The following KIAA1549L variants were observed in gnomAD, a reference collection of about 807,000 sequenced individuals.
KIAA1549L encodes the protein KIAA1549 like, also known as UPF0606 protein KIAA1549L.
KIAA1549L carries 88 observed loss-of-function variants against 160.7 expected under a neutral mutation model. That is an observed-to-expected ratio of 0.55 (90% CI 0.46 to 0.65). The LOEUF (loss-of-function observed/expected upper bound fraction) is 0.65, where lower values mean the gene tolerates loss of function less well. KIAA1549L is among the 30% of genes least tolerant of loss of function. The pLI is 0.00. For synonymous variants in KIAA1549L, 950 were observed against 976.7 expected (o/e 0.97, Z 0.51); for missense variants, 2,258 against 2,437.5 (o/e 0.93, Z 1.55).
intron 16 of KIAA1549L, among the ~76,000 whole-genome samples, chr11:33,629,211 G>A (rs1851206539): frequency 6.6e-6 from 1 of 152,134 alleles, no homozygotes; most frequent in African/African-American, 2.4e-5. Context: ...CTCTCTGGCT[G>A]CCCTTAACAT....
intron 11 of KIAA1549L, among the ~76,000 whole-genome samples, chr11:33,589,353 C>T (rs971104317): frequency 3.9e-5 from 6 of 152,132 alleles, no homozygotes; most frequent in Non-Finnish European, 7.3e-5. Flanking sequence ...GTCGGTGTGG[C>T]GATTCCTCAG....
chr11:33,547,114 C>T (rs1398810417), intron 3 of KIAA1549L, among the ~76,000 whole-genome samples: 6 of 152,250 alleles, frequency 3.9e-5, no homozygotes, highest in Non-Finnish European at 7.3e-5. Context: ...TTGGTACTCC[C>T]TCTGCTGAGA....
intron 1 of KIAA1549L, among the ~76,000 whole-genome samples, chr11:33,397,951 A>T (rs1590218527): frequency 8.6e-6 from 1 of 115,842 alleles, no homozygotes; most frequent in African/African-American, 3.4e-5. Context: ...TTTGAGATAG[A>T]GTCTTATGGT....
At chr11:33,435,798 A>ATGTGTGTG (rs1254104673) in intron 1 of KIAA1549L, among the ~76,000 whole-genome samples, 10 of 7,612 alleles carry the variant, frequency 1.3e-3, no homozygotes, top group African/African-American at 6.5e-3. Context: ...ATATATATAT[A>ATGTGTGTG]TATATATATA....
intron 1 of KIAA1549L, among the ~76,000 whole-genome samples, chr11:33,387,614 C>T (rs1303308992): frequency 3.9e-5 from 6 of 152,106 alleles, no homozygotes; most frequent in Non-Finnish European, 2.9e-5. Flanking sequence ...CCCATTTTCT[C>T]ATTCTGAAAG....
chr11:33,487,824 ACAGTTGAT>A (rs1852565112), intron 1 of KIAA1549L, among the ~76,000 whole-genome samples: 1 of 152,204 alleles, frequency 6.6e-6, no homozygotes, highest in African/African-American at 2.4e-5. Context: ...GTTAGGATTC[ACAGTTGAT>A]CAGGATTGGT....
chr11:33,660,828 C>G (rs891761935), intron 19 of KIAA1549L, 35 bp from the exon 20 acceptor site: 1 of 1,609,814 alleles, frequency 6.2e-7, no homozygotes, highest in Admixed American at 1.7e-5. Context: ...AGACCAGCCT[C>G]TCTTAACCTC....
chr11:33,421,971 C>T (rs1288785138), intron 1 of KIAA1549L, among the ~76,000 whole-genome samples: 1 of 152,176 alleles, frequency 6.6e-6, no homozygotes, highest in Non-Finnish European at 1.5e-5. Flanking sequence ...GCTGCTGCTG[C>T]TATTGGTCTG....
At chr11:33,523,936 ATTGT>A (rs1309080670) in intron 1 of KIAA1549L, among the ~76,000 whole-genome samples, 2 of 151,924 alleles carry the variant, frequency 1.3e-5, no homozygotes. Flanking sequence ...TATTTTGATC[ATTGT>A]TTTATTTATT....
chr11:33,392,701 A>G (rs764389704), intron 1 of KIAA1549L, among the ~76,000 whole-genome samples: 3 of 152,056 alleles, frequency 2.0e-5, no homozygotes, highest in East Asian at 1.9e-4. Flanking sequence ...TAGTTTTTAT[A>G]TCACGCAGTT....
rs766916729 is a variant in KIAA1549L at position 33,543,911 on chromosome 11, T to C, written c.2348T>C (p.Ile783Thr). 17 of 1,614,016 alleles carry C rather than the reference T, an allele frequency of 1.1e-5. No individual in the cohort carries two copies. The highest frequency in any genetic ancestry group is 1.4e-5 in the Non-Finnish European group (16 of 1,179,894). ...SIQDLVLGTS[I>T]EQPVQQSDMT... ...CAGGATCTAGTCCTCGGTACAAGCA[T>C]TGAGCAGCCTGTGCAACAGTCAGAC... The change falls in exon 2 of 21, where the codon ATT (isoleucine) becomes ACT (threonine). Residue 783 changes from isoleucine (I) to threonine (T), a missense_variant. Transcript: ENST00000658780.
chr11:33,507,873 A>G (rs1366416485), intron 1 of KIAA1549L, among the ~76,000 whole-genome samples: 1 of 152,176 alleles, frequency 6.6e-6, no homozygotes, highest in African/African-American at 2.4e-5. Context: ...TTTATGCTGA[A>G]ATGGGATTTA....
At chr11:33,608,496 T>C (rs1319105660) in intron 14 of KIAA1549L, among the ~76,000 whole-genome samples, 3 of 152,272 alleles carry the variant, frequency 2.0e-5, no homozygotes, top group African/African-American at 7.2e-5. Flanking sequence ...GCAAACCCCA[T>C]AATTAGAGGC....
In KIAA1549L at chr11:33,668,349, T is replaced by G; in HGVS notation, c.*195T>G. The G allele has an allele frequency of 1.6e-6, 1 of 613,224 alleles. No homozygotes were observed. The highest frequency in any genetic ancestry group is 2.8e-6 in the Non-Finnish European group (1 of 352,224). The allele number at this position is 613,224 out of a possible 1,614,324, so 38.0% of individuals were successfully genotyped here. ...CTAGATTCTTGGCTCATCCAACTGA[T>G]TGTGGGTCAAGTCCCTGGCTTGGGG... On this transcript the variant is annotated 3_prime_UTR_variant, in exon 21 of 21. Coordinates refer to ENST00000658780, the MANE Select transcript of KIAA1549L (RefSeq NM_012194.3).
At chr11:33,415,739 G>A (rs1850875306) in intron 1 of KIAA1549L, among the ~76,000 whole-genome samples, 1 of 152,106 alleles carries the variant, frequency 6.6e-6, no homozygotes, top group Non-Finnish European at 1.5e-5. Context: ...CCTTTATATT[G>A]TTGCCATGAG....
intron 1 of KIAA1549L, among the ~76,000 whole-genome samples, chr11:33,435,792 A>ATGTGTGTG (rs1433325636): frequency 7.7e-4 from 10 of 13,060 alleles, no homozygotes; most frequent in East Asian, 4.0e-3. Flanking sequence ...ATATATATAT[A>ATGTGTGTG]TATATATATA....
chr11:33,527,651 C>A (rs1016956197), intron 1 of KIAA1549L, among the ~76,000 whole-genome samples: 1 of 152,136 alleles, frequency 6.6e-6, no homozygotes, highest in African/African-American at 2.4e-5. Flanking sequence ...ATACAGCCCA[C>A]AGAATGTGAG....
intron 1 of KIAA1549L, among the ~76,000 whole-genome samples, chr11:33,524,460 ATGC>A (rs1853567129): frequency 6.6e-6 from 1 of 152,034 alleles, no homozygotes; most frequent in African/African-American, 2.4e-5. Flanking sequence ...TTGTGTTATA[ATGC>A]ATTAGTTCCA....
chr11:33,544,115 C>G lies in KIAA1549L; in HGVS notation c.2552C>G (p.Pro851Arg), dbSNP rs1854143150. ...CCTCTTTTGCTAACCTCACCAGGAC[C>G]AACTTCTACAGGTAGCTTGCAGGAA... ...AHPLLLTSPGPTSTGSLQEML... is the reference protein window; with the variant it reads ...AHPLLLTSPGRTSTGSLQEML... The change falls in exon 2 of 21, where the codon CCA becomes CGA. Residue 851 changes from proline to arginine, a missense_variant. Physicochemically the swap from Pro to Arg is moderately radical, Grantham distance 103 (BLOSUM62 -2). Around this residue, in one of 6 missense-constraint regions of KIAA1549L, gnomAD observed 287 missense variants for 292.3 expected, o/e 0.98. Transcript: ENST00000658780. 1.2e-6 allele frequency: 2 copies of G among 1,614,026 alleles called. No individual in the cohort carries two copies. Among genetic ancestry groups the G allele is most frequent in the Non-Finnish European group, 1.7e-6 (2 of 1,179,894 alleles).
Sources: allele counts gnomAD v4.1 joint callset (sites outside exome capture counted in the v4.1 genomes callset), GRCh38; gene constraint gnomAD v4.1.1; regional missense constraint gnomAD v4.1.1; transcripts MANE v1.5; gene names NCBI Gene and HGNC (gene_info 2026-07-23, HGNC 2026-07-21).